The following SPOCK1 variants were observed in gnomAD, a reference collection of about 807,000 sequenced individuals.
The protein encoded by SPOCK1 is testican-1.
Under a neutral mutation model 55.3 loss-of-function variants are expected in SPOCK1, and 23 were observed. The observed-to-expected ratio is 0.42, with a 90% CI of 0.30 to 0.59. The LOEUF is 0.59. SPOCK1 is among the 20% of genes least tolerant of loss of function. SPOCK1 has a pLI of 0.22. For missense variants in SPOCK1, 499 were observed against 552.5 expected, an observed-to-expected ratio of 0.90 and a Z score of 0.97; for synonymous variants, 226 against 221.0, an observed-to-expected ratio of 1.02 and a Z score of -0.20.
At chr5:137,458,092 G>T (rs1050350744) in intron 2 of SPOCK1, among the ~76,000 whole-genome samples, 3 of 152,166 alleles carry the variant, frequency 2.0e-5, no homozygotes, top group Non-Finnish European at 4.4e-5. Flanking sequence ...GGTTAGGCTG[G>T]ACTCTTCTTG....
intron 4 of SPOCK1, among the ~76,000 whole-genome samples, chr5:137,124,572 C>T (rs914078603): frequency 6.6e-6 from 1 of 152,198 alleles, no homozygotes; most frequent in African/African-American, 2.4e-5. Flanking sequence ...ATGGAAGAGC[C>T]TCAGGGCTCA....
At chr5:137,448,731 A>G (rs1362455780) in intron 2 of SPOCK1, among the ~76,000 whole-genome samples, 7 of 152,236 alleles carry the variant, frequency 4.6e-5, no homozygotes, top group Non-Finnish European at 4.4e-5. Flanking sequence ...AATTAATTCA[A>G]TGATGATTTC....
chr5:137,190,896 T>G (rs1429621719), intron 3 of SPOCK1, among the ~76,000 whole-genome samples: 4 of 152,198 alleles, frequency 2.6e-5, no homozygotes, highest in Non-Finnish European at 5.9e-5. Flanking sequence ...TACAGGTCTA[T>G]GTATATTTTC....
chr5:137,105,193 T>C (rs1171986113), intron 5 of SPOCK1, among the ~76,000 whole-genome samples: 2 of 152,244 alleles, frequency 1.3e-5, no homozygotes, highest in Non-Finnish European at 2.9e-5. Context: ...CTATTGCCAT[T>C]GTGTTCCAGC....
intron 2 of SPOCK1, among the ~76,000 whole-genome samples, chr5:137,350,818 T>C (rs1750661913): frequency 6.6e-6 from 1 of 151,820 alleles, no homozygotes; most frequent in South Asian, 2.1e-4. Flanking sequence ...TGTGTGTGTG[T>C]CCACGCACGT....
At chr5:137,147,771 A>G (rs1194744623) in intron 3 of SPOCK1, among the ~76,000 whole-genome samples, 1 of 152,240 alleles carries the variant, frequency 6.6e-6, no homozygotes, top group African/African-American at 2.4e-5. Context: ...TCAATCCAGA[A>G]CACCAACTGT....
At position 137,266,152 on chromosome 5, in the gene SPOCK1, G is replaced by A. The variant is rs1161435225; in HGVS notation, c.232+858C>T. Among the ~76,000 whole-genome samples the A allele has an allele frequency of 2.0e-5, 3 of 152,128 alleles. No individual in the cohort carries two copies. In the East Asian group the frequency reaches 5.8e-4, roughly 29 times the overall value. On this transcript the variant is annotated intron_variant, in intron 3 of 10. Coordinates refer to ENST00000394945, the MANE Select transcript of SPOCK1 (RefSeq NM_004598.4). ...CATGTCACATGTCAATGCCTCCCTC[G>A]ATTTCTTCGTATCAAGTTGACCATC... is the stretch of plus-strand genomic sequence containing the variant.
At chr5:137,370,024 A>G (rs1478804176) in intron 2 of SPOCK1, among the ~76,000 whole-genome samples, 1 of 152,012 alleles carries the variant, frequency 6.6e-6, no homozygotes, top group Non-Finnish European at 1.5e-5. Flanking sequence ...CCACAGGTAC[A>G]CCTCCTTATA....
chr5:137,166,116 T>C (rs1281090100), intron 3 of SPOCK1, among the ~76,000 whole-genome samples: 1 of 152,076 alleles, frequency 6.6e-6, no homozygotes, highest in Non-Finnish European at 1.5e-5. Context: ...TCAGGACATC[T>C]AATAATAAAA....
At chr5:137,038,328 G>GT (rs1751925058) in intron 6 of SPOCK1, among the ~76,000 whole-genome samples, 1 of 152,322 alleles carries the variant, frequency 6.6e-6, no homozygotes, top group East Asian at 1.9e-4. Context: ...CAGGATGCTG[G>GT]TATCTGGCAG....
chr5:137,315,208 G>T (rs78203553), intron 2 of SPOCK1, among the ~76,000 whole-genome samples: 1 of 152,202 alleles, frequency 6.6e-6, no homozygotes, highest in African/African-American at 2.4e-5. Context: ...GCCTTCCAAG[G>T]TTCACCATGG....
At chr5:137,154,486 G>A (rs1754377317) in intron 3 of SPOCK1, among the ~76,000 whole-genome samples, 1 of 152,196 alleles carries the variant, frequency 6.6e-6, no homozygotes, top group Non-Finnish European at 1.5e-5. Flanking sequence ...GCCTTGGAGT[G>A]ATGGATAAAG....
At chr5:137,076,481 G>A (rs142553841) in intron 5 of SPOCK1, among the ~76,000 whole-genome samples, 1,943 of 152,082 alleles carry the variant, frequency 0.013, 15 homozygotes, top group Middle Eastern at 0.051. Flanking sequence ...GCTTAGCCTA[G>A]CCTACCTTCA....
chr5:137,194,132 C>T (rs1392780746), intron 3 of SPOCK1, among the ~76,000 whole-genome samples: 3 of 152,200 alleles, frequency 2.0e-5, no homozygotes, highest in Non-Finnish European at 4.4e-5. Flanking sequence ...CATTTAATTG[C>T]TTATTTAATT....
intron 2 of SPOCK1, among the ~76,000 whole-genome samples, chr5:137,470,098 A>C (rs1278333859): frequency 6.6e-6 from 1 of 152,128 alleles, no homozygotes; most frequent in Non-Finnish European, 1.5e-5. Context: ...CTCCACTGAG[A>C]CCACAGATGG....
chr5:137,084,954 C>CAAAAAAA (rs10568473), intron 5 of SPOCK1, among the ~76,000 whole-genome samples: 91 of 114,150 alleles, frequency 8.0e-4, no homozygotes, highest in East Asian at 2.3e-3. Context: ...TTATACAAAG[C>CAAAAAAA]AAAAAAAAAA....
At position 137,176,137 on chromosome 5, in the gene SPOCK1, C is replaced by T. The variant is rs531160144; in HGVS notation, c.233-35443G>A. 3.8e-4 allele frequency among the ~76,000 whole-genome samples: 58 copies of T among 152,304 alleles called. 1 individual carries two copies. Among genetic ancestry groups the T allele is most frequent in the African/African-American group, 1.4e-3 (57 of 41,578 alleles). On this transcript the variant is annotated intron_variant, in intron 3 of 10. Transcript: ENST00000394945. ...AGGCAACAACCATTAAAACTACCAA[C>T]CCTCTTGCTTACAAAAGCTCCTAAG... is the stretch of plus-strand genomic sequence containing the variant.
Position 137,120,351 on chromosome 5 carries a change from G to A in SPOCK1, c.348-7790C>T, listed in dbSNP as rs187292461. The stretch of plus-strand genomic sequence containing the variant: ...TTTAAAAAGTCTTAGAGCATAATCA[G>A]GCCCACCAGAAGGATATGTGTCTGG... On this transcript the variant is annotated intron_variant, in intron 4 of 10. Coordinates refer to ENST00000394945, the MANE Select transcript of SPOCK1 (RefSeq NM_004598.4). Among the ~76,000 whole-genome samples the A allele has an allele frequency of 3.5e-3, 534 of 152,254 alleles. 1 individual carries two copies. The highest frequency in any genetic ancestry group is 6.8e-3 in the Non-Finnish European group (465 of 68,026).
intron 2 of SPOCK1, among the ~76,000 whole-genome samples, chr5:137,412,707 T>TG (rs1283253888): frequency 6.6e-6 from 1 of 152,208 alleles, no homozygotes; most frequent in Non-Finnish European, 1.5e-5. Flanking sequence ...AGTCTTCACC[T>TG]GGGCCTGTGA....
Sources: gnomAD v4.1 joint callset for allele counts (sites outside exome capture counted in the v4.1 genomes callset) on GRCh38, gnomAD v4.1.1 for gene constraint, MANE v1.5 for transcripts, NCBI Gene and HGNC (gene_info 2026-07-23, HGNC 2026-07-21) for gene names.